The following ZFYVE16 variants were observed in gnomAD, a reference collection of about 807,000 sequenced individuals.
The protein encoded by ZFYVE16 is zinc finger FYVE-type containing 16, also known as zinc finger FYVE domain-containing protein 16.
ZFYVE16 carries 89 observed loss-of-function variants against 138.1 expected under a neutral mutation model. The observed-to-expected ratio is 0.64, with a 90% CI of 0.54 to 0.77. The LOEUF is 0.77. Ranked by LOEUF, ZFYVE16 falls within the 30% of genes least tolerant of loss-of-function variation. The probability of loss-of-function intolerance (pLI) is 0.00; values close to 1 mark genes in which losing one functional copy is unlikely to be tolerated. For missense variants in ZFYVE16, 1,793 were observed against 1,786.7 expected (o/e 1.00, Z -0.06); for synonymous variants, 596 against 618.3 (o/e 0.96, Z 0.53).
At chr5:80,423,671 GACTACGGGC>G (rs1747564439) in intron 1 of ZFYVE16, among the ~76,000 whole-genome samples, 1 of 152,046 alleles carries the variant, frequency 6.6e-6, no homozygotes, top group African/African-American at 2.4e-5. Context: ...AGGTAGCTGG[GACTACGGGC>G]ACCCGCCACC....
At chr5:80,470,023 A>G (rs766618273) in intron 15 of ZFYVE16, among the ~76,000 whole-genome samples, 8 of 150,188 alleles carry the variant, frequency 5.3e-5, no homozygotes, top group Non-Finnish European at 8.9e-5. Context: ...ACATATATAC[A>G]TATATATGTG....
intron 11 of ZFYVE16, 22 bp downstream of exon 11, chr5:80,451,731 T>A: frequency 1.3e-6 from 2 of 1,575,820 alleles, no homozygotes; most frequent in Non-Finnish European, 8.7e-7. Flanking sequence ...AGTAATAAGT[T>A]AAATTGCATA....
At chr5:80,455,974 A>C in intron 12 of ZFYVE16, 200 bp downstream of exon 12, 3 of 508,004 alleles carry the variant, frequency 5.9e-6, no homozygotes, top group Non-Finnish European at 1.0e-5. Context: ...CTATCTCCTC[A>C]TGTACGTGTA....
intron 1 of ZFYVE16, chr5:80,410,411 G>A (rs1745244966): frequency 6.6e-6 from 1 of 151,900 alleles, no homozygotes; most frequent in Admixed American, 6.6e-5. Flanking sequence ...GCAATAAATG[G>A]TATATGTTCT....
At chr5:80,436,092 A>G (rs1448254138) in intron 3 of ZFYVE16, among the ~76,000 whole-genome samples, 1 of 152,168 alleles carries the variant, frequency 6.6e-6, no homozygotes, top group East Asian at 1.9e-4. Flanking sequence ...TTTTATCTGG[A>G]TGTGGCTGTG....
intron 3 of ZFYVE16, among the ~76,000 whole-genome samples, 187 bp from the exon 4 acceptor site, chr5:80,436,569 T>A (rs1749939570): frequency 6.6e-6 from 1 of 152,180 alleles, no homozygotes; most frequent in Non-Finnish European, 1.5e-5. Context: ...ACAAGATAAT[T>A]TCAGATAAAA....
At chr5:80,426,208 GT>G (rs1471365296) in intron 1 of ZFYVE16, among the ~76,000 whole-genome samples, 3 of 137,496 alleles carry the variant, frequency 2.2e-5, no homozygotes, top group Non-Finnish European at 3.1e-5. Context: ...TGTGGTGTGT[GT>G]GTGTGTGTGT....
chr5:80,419,980 T>G (rs1746862492), intron 1 of ZFYVE16, among the ~76,000 whole-genome samples: 1 of 149,784 alleles, frequency 6.7e-6, no homozygotes, highest in Non-Finnish European at 1.5e-5. Flanking sequence ...CCTGGCTAAT[T>G]TTTGTATTTT....
intron 18 of ZFYVE16, among the ~76,000 whole-genome samples, chr5:80,476,007 G>A (rs1398033933): frequency 6.6e-6 from 1 of 152,114 alleles, no homozygotes; most frequent in Admixed American, 6.6e-5. Flanking sequence ...GCAGTGGCAC[G>A]ATTTTGGCTC....
At chr5:80,470,288 A>C (rs1400176476) in intron 15 of ZFYVE16, among the ~76,000 whole-genome samples, 1 of 150,628 alleles carries the variant, frequency 6.6e-6, no homozygotes, top group East Asian at 2.0e-4. Context: ...TTTTTAGTAG[A>C]GACAGGGTTT....
chr5:80,424,921 G>A (rs1747775450), intron 1 of ZFYVE16, among the ~76,000 whole-genome samples: 1 of 152,332 alleles, frequency 6.6e-6, no homozygotes, highest in African/African-American at 2.4e-5. Flanking sequence ...AAGTGTACCT[G>A]TTAGTTTTAA....
chr5:80,455,540 A>G (rs556063218), intron 11 of ZFYVE16, 152 bp from the exon 12 acceptor site: 1 of 506,628 alleles, frequency 2.0e-6, no homozygotes, highest in Non-Finnish European at 3.3e-6. Flanking sequence ...TCTCAAAAAC[A>G]AAAAAAAAAT....
chr5:80,447,064 C>T (rs1751437502), intron 7 of ZFYVE16, among the ~76,000 whole-genome samples: 1 of 151,954 alleles, frequency 6.6e-6, no homozygotes, highest in African/African-American at 2.4e-5. Flanking sequence ...GAGTTCAAGA[C>T]CGCCTGACCA....
intron 15 of ZFYVE16, among the ~76,000 whole-genome samples, chr5:80,465,391 C>CTTTTTTTTTTTTTT (rs1561325159): frequency 8.8e-5 from 3 of 33,932 alleles, no homozygotes; most frequent in Non-Finnish European, 2.9e-4. Flanking sequence ...TTTTTTTTTC[C>CTTTTTTTTTTTTTT]TTTTCTTTGT....
At chr5:80,447,266 C>CAAAAA (rs56836828) in intron 7 of ZFYVE16, among the ~76,000 whole-genome samples, 1 of 69,260 alleles carries the variant, frequency 1.4e-5, no homozygotes, top group Non-Finnish European at 2.9e-5. Flanking sequence ...GACTCCATCT[C>CAAAAA]AAAAAAAAAA....
At chr5:80,450,288 T>C (rs546579851) in intron 9 of ZFYVE16, 143 bp from the exon 10 acceptor site, 5 of 731,142 alleles carry the variant, frequency 6.8e-6, no homozygotes, top group Admixed American at 3.0e-5. Flanking sequence ...ATAAATCTTA[T>C]ACAATTCAAT....
In ZFYVE16 at chr5:80,408,537, AG is replaced by A. The variant is rs1254839806; in HGVS notation, c.-94+388del. 7.9e-5 allele frequency among the ~76,000 whole-genome samples: 12 copies of A among 152,314 alleles called. 1 individual carries two copies. In the East Asian group the frequency reaches 9.7e-4, roughly 12 times the overall value. ...GCCTGGGGAGGGGCTGCGACTGCGG[AG>A]GGGACTGTGGTTCTTCAGGAGTGGC... On this transcript the variant is annotated intron_variant, in intron 1 of 18. Transcript: ENST00000505560.
At chr5:80,463,576 A>T (rs528326434) in intron 15 of ZFYVE16, among the ~76,000 whole-genome samples, 1 of 152,290 alleles carries the variant, frequency 6.6e-6, no homozygotes, top group Non-Finnish European at 1.5e-5. Flanking sequence ...TTGGGGATTA[A>T]TGTTTGGCTT....
At chr5:80,432,502 A>T (rs1283936507) in intron 2 of ZFYVE16, among the ~76,000 whole-genome samples, 1 of 152,196 alleles carries the variant, frequency 6.6e-6, no homozygotes, top group East Asian at 1.9e-4. Context: ...AACCTAGGCA[A>T]TACCATTCAG....
Sources: allele counts gnomAD v4.1 joint callset (sites outside exome capture counted in the v4.1 genomes callset), GRCh38; gene constraint gnomAD v4.1.1; transcripts MANE v1.5; gene names NCBI Gene and HGNC (gene_info 2026-07-23, HGNC 2026-07-21).